DCHS2: variants seen among roughly 807,000 people sequenced by gnomAD.
The protein encoded by DCHS2 is protocadherin-23.
DCHS2 carries 142 observed loss-of-function variants against 182.4 expected under a neutral mutation model. That is an observed-to-expected ratio of 0.78 (90% CI 0.68 to 0.89). DCHS2 has a LOEUF of 0.89. DCHS2 is among the 40% of genes least tolerant of loss of function. The pLI, the probability that DCHS2 is intolerant of heterozygous loss-of-function variation, is 0.00. For synonymous variants in DCHS2, 1,740 were observed against 1,663.3 expected (o/e 1.05, Z -1.12); for missense variants, 4,319 against 4,198.6 (o/e 1.03, Z -0.79).
intron 15 of DCHS2, among the ~76,000 whole-genome samples, chr4:154,259,256 G>C (rs770626741): frequency 7.9e-5 from 12 of 152,058 alleles, no homozygotes; most frequent in Non-Finnish European, 1.6e-4. Flanking sequence ...TACTTCTATT[G>C]TATTAATAAA....
chr4:154,421,987 G>A (rs1249502483), intron 1 of DCHS2, among the ~76,000 whole-genome samples: 1 of 152,120 alleles, frequency 6.6e-6, no homozygotes, highest in Non-Finnish European at 1.5e-5. Flanking sequence ...TAATCTCTCA[G>A]CATCATTCAG....
intron 16 of DCHS2, among the ~76,000 whole-genome samples, chr4:154,245,693 CT>C (rs1382628777): frequency 1.3e-5 from 2 of 152,090 alleles, no homozygotes; most frequent in Non-Finnish European, 2.9e-5. Context: ...TATCAAAAAC[CT>C]TTTATAATAA....
At chr4:154,440,423 G>A (rs371862290) in intron 1 of DCHS2, among the ~76,000 whole-genome samples, 76 of 152,078 alleles carry the variant, frequency 5.0e-4, no homozygotes, top group African/African-American at 1.5e-3. Context: ...TTCTATCAGC[G>A]ATTCTCAACC....
rs61553613 is a variant in DCHS2 at position 154,433,395 on chromosome 4, C to CTTTTTTTT, written c.2052+55901_2052+55908dup. 3.8e-3 allele frequency among the ~76,000 whole-genome samples: 395 copies of CTTTTTTTT among 103,862 alleles called. 8 individuals are homozygous for CTTTTTTTT. The highest frequency in any genetic ancestry group is 4.7e-3 in the Non-Finnish European group (254 of 53,860). 68.1% of individuals were successfully genotyped at this position (103,862 alleles called of 152,430 possible). A position where few individuals can be genotyped will look rare whatever the true frequency, so the allele number is the denominator to read the frequency against. On this transcript the variant is annotated intron_variant, in intron 1 of 19. Coordinates refer to ENST00000357232, the MANE Select transcript of DCHS2 (RefSeq NM_001358235.2). ...ACAAATAACTAGTTTTTTTTTTTTC[C>CTTTTTTTT]TTTTTTTTTTTTTTTTTTGAGACAG...
At position 154,236,037 on chromosome 4, in the gene DCHS2, C is replaced by T; in HGVS notation, c.8615G>A (p.Gly2872Glu). The T allele has an allele frequency of 1.2e-6, 2 of 1,613,860 alleles. No homozygotes were observed. Among genetic ancestry groups the T allele is most frequent in the Non-Finnish European group, 1.7e-6 (2 of 1,179,940 alleles). Reference sequence around the variant, plus strand: ...GAAAATGGGCTCAAATTCATCTATCCCTTCAATATCCACCCAGACCACTAA... The same window carrying T: ...GAAAATGGGCTCAAATTCATCTATCTCTTCAATATCCACCCAGACCACTAA... The part of the protein sequence containing the change: ...ASLVVWVDIE[G>E]IDEFEPIFTQ... The change falls in exon 20 of 20, where the codon GGG becomes GAG. Residue 2872 changes from glycine (G) to glutamate (E), a missense_variant. Coordinates refer to ENST00000357232, the MANE Select transcript of DCHS2 (RefSeq NM_001358235.2).
At chr4:154,268,228 T>A (rs571107195) in intron 14 of DCHS2, among the ~76,000 whole-genome samples, 4 of 145,238 alleles carry the variant, frequency 2.8e-5, no homozygotes, top group Admixed American at 6.8e-5. Context: ...CACCTTTCAC[T>A]TTCCCCCCCC....
intron 13 of DCHS2, among the ~76,000 whole-genome samples, chr4:154,292,055 ACATAACC>A (rs1734690890): frequency 6.6e-6 from 1 of 152,166 alleles, no homozygotes; most frequent in South Asian, 2.1e-4. Context: ...AAAATATTTC[ACATAACC>A]CATAAATATA....
Position 154,328,128 on chromosome 4 carries a change from C to T in DCHS2, c.3983G>A (p.Gly1328Glu), listed in dbSNP as rs369215164. 1 of 1,608,548 alleles carries T rather than the reference C, an allele frequency of 6.2e-7. No homozygotes were observed. The highest frequency in any genetic ancestry group is 8.5e-7 in the Non-Finnish European group (1 of 1,177,544). Reference sequence around the variant, plus strand: ...TGAGTATGTAACTTCTGCATTATTTCCTTCATCAGGATCCTTTGCAAACAC... The same window carrying T: ...TGAGTATGTAACTTCTGCATTATTTTCTTCATCAGGATCCTTTGCAAACAC... Reference protein sequence around the residue: ...TTVFAKDPDEGNNAEVTYSVS... With the variant: ...TTVFAKDPDEENNAEVTYSVS... Residue 1328 changes from glycine (G) to glutamate (E), a missense_variant, in exon 7 of 20, where the codon GGA becomes GAA. Physicochemically the swap from Gly to Glu is moderately conservative, Grantham distance 98. Transcript: ENST00000357232.
At chr4:154,371,518 G>A (rs1486307233) in intron 2 of DCHS2, among the ~76,000 whole-genome samples, 1 of 152,102 alleles carries the variant, frequency 6.6e-6, no homozygotes, top group Non-Finnish European at 1.5e-5. Context: ...CAAAGGGCAT[G>A]GTAGAAGCAT....
chr4:154,372,329 C>T (rs752962209), intron 2 of DCHS2, among the ~76,000 whole-genome samples: 1 of 152,148 alleles, frequency 6.6e-6, no homozygotes, highest in African/African-American at 2.4e-5. Context: ...AATGAATGTG[C>T]CTTTTTACTC....
Position 154,491,036 on chromosome 4 carries a change from G to C in DCHS2, c.320C>G (p.Ser107Cys), listed in dbSNP as rs1490005406. The C allele has an allele frequency of 5.8e-6, 9 of 1,551,132 alleles. No homozygotes were observed. Among genetic ancestry groups the C allele is most frequent in the Non-Finnish European group, 7.8e-6 (9 of 1,146,860 alleles). The change falls in exon 1 of 20, where the codon TCC (serine) becomes TGC (cysteine). Residue 107 changes from serine (S) to cysteine (C), a missense_variant. Physicochemically the swap from Ser to Cys is moderately radical, Grantham distance 112. Coordinates refer to ENST00000357232, the MANE Select transcript of DCHS2 (RefSeq NM_001358235.2). ...EGSGFFLSED[S>C]DDSPLLDDFH... ...GTCGTCCAGCAGCGGGGAGTCATCG[G>C]AGTCCTCCGACAGAAAGAAGCCGCT...
intron 13 of DCHS2, among the ~76,000 whole-genome samples, chr4:154,297,253 C>G (rs1044210151): frequency 6.6e-6 from 1 of 152,182 alleles, no homozygotes; most frequent in Admixed American, 6.5e-5. Flanking sequence ...CCTGTTACAC[C>G]TGCAACTTTT....
intron 1 of DCHS2, among the ~76,000 whole-genome samples, chr4:154,393,412 C>T (rs776525025): frequency 1.9e-4 from 29 of 152,072 alleles, no homozygotes; most frequent in South Asian, 2.1e-4. Flanking sequence ...TTAACACATA[C>T]GGAGTTAAGA....
chr4:154,455,827 C>T (rs1179763362), intron 1 of DCHS2, among the ~76,000 whole-genome samples: 1 of 152,164 alleles, frequency 6.6e-6, no homozygotes, highest in Non-Finnish European at 1.5e-5. Flanking sequence ...CAGTGGCTCA[C>T]GAATGTAATC....
rs192206144 is a variant in DCHS2 at position 154,425,604 on chromosome 4, A to C, written c.2053-48160T>G. Among the ~76,000 whole-genome samples the C allele has an allele frequency of 3.3e-5, 5 of 152,308 alleles. No homozygotes were observed. The East Asian group carries it at 9.7e-4, about 29-fold the overall frequency. On this transcript the variant is annotated intron_variant, in intron 1 of 19. Transcript: ENST00000357232. ...AACACTTAGCAGGAACTGAATTTCCATTCCACCCGATCTCTACATTATATA... is the reference window on the plus strand; with the variant it reads ...AACACTTAGCAGGAACTGAATTTCCCTTCCACCCGATCTCTACATTATATA...
intron 14 of DCHS2, among the ~76,000 whole-genome samples, chr4:154,263,648 C>A (rs1733090392): frequency 6.7e-6 from 1 of 148,262 alleles, no homozygotes; most frequent in African/African-American, 2.5e-5. Context: ...AGCTGGAAAC[C>A]TAAAGGCTGC....
intron 1 of DCHS2, chr4:154,486,405 GT>G (rs1391640394): frequency 3.1e-6 from 4 of 1,303,774 alleles, no homozygotes; most frequent in Non-Finnish European, 4.0e-6. Flanking sequence ...TAAAGGGTTT[GT>G]TTTTATCAGA....
chr4:154,411,365 G>A (rs1400796207), intron 1 of DCHS2, among the ~76,000 whole-genome samples: 1 of 152,122 alleles, frequency 6.6e-6, no homozygotes, highest in Non-Finnish European at 1.5e-5. Flanking sequence ...TTGGGAGGCC[G>A]AGGTGGGTGG....
chr4:154,270,039 C>T (rs765504930), intron 13 of DCHS2, 26 bp from the exon 14 acceptor site: 2 of 1,579,920 alleles, frequency 1.3e-6, no homozygotes, highest in East Asian at 2.3e-5. Flanking sequence ...AAAAAAAGAA[C>T]TCCATTAGGA....
Sources: allele counts gnomAD v4.1 joint callset (sites outside exome capture counted in the v4.1 genomes callset), GRCh38; gene constraint gnomAD v4.1.1; transcripts MANE v1.5; gene names NCBI Gene and HGNC (gene_info 2026-07-23, HGNC 2026-07-21).